MDM4: variants seen among roughly 807,000 people sequenced by gnomAD.
The protein encoded by MDM4 is MDM4 regulator of p53.
Under a neutral mutation model 60.2 loss-of-function variants are expected in MDM4, and 2 were observed. The ratio of observed to expected loss-of-function variants is 0.03; its 90% confidence interval spans 0.01 to 0.10. The LOEUF is 0.10. Among genes scored for constraint, MDM4 ranks in the 10% least tolerant of loss-of-function variants. MDM4 has a pLI of 1.00. For synonymous variants in MDM4, 202 were observed against 198.1 expected, an observed-to-expected ratio of 1.02 and a Z score of -0.17; for missense variants, 447 against 577.5, an observed-to-expected ratio of 0.77 and a Z score of 2.32.
chr1:204,543,210 G>A (rs1204096780), intron 8 of MDM4, among the ~76,000 whole-genome samples: 1 of 152,134 alleles, frequency 6.6e-6, no homozygotes, highest in Non-Finnish European at 1.5e-5. Flanking sequence ...GGAGCCTTTG[G>A]CTGTGCGTAG....
chr1:204,537,537 T>G, intron 6 of MDM4, 40 bp downstream of exon 6: 1 of 1,422,364 alleles, frequency 7.0e-7, no homozygotes, highest in Non-Finnish European at 9.9e-7. Flanking sequence ...TTGTACAGAG[T>G]GGCCCCTTCT....
intron 7 of MDM4, among the ~76,000 whole-genome samples, chr1:204,540,191 A>G (rs2102406805): frequency 6.6e-6 from 1 of 151,912 alleles, no homozygotes; most frequent in African/African-American, 2.4e-5. Context: ...AGGCTGAGGC[A>G]GGAGAATTGC....
chr1:204,534,278 A>G (rs1363480474), intron 5 of MDM4, among the ~76,000 whole-genome samples: 1 of 152,238 alleles, frequency 6.6e-6, no homozygotes, highest in Non-Finnish European at 1.5e-5. Flanking sequence ...TTGAAATTCA[A>G]TCACTTGTAA....
At chr1:204,526,875 CTCT>C (rs754854280) in intron 3 of MDM4, among the ~76,000 whole-genome samples, 16 of 152,170 alleles carry the variant, frequency 1.1e-4, no homozygotes, top group Non-Finnish European at 1.2e-4. Context: ...GCAACTTATA[CTCT>C]GTTTTAAAGA....
intron 1 of MDM4, among the ~76,000 whole-genome samples, 200 bp downstream of exon 1, chr1:204,516,709 T>TA (rs1572434621): frequency 6.6e-6 from 1 of 151,728 alleles, no homozygotes; most frequent in Non-Finnish European, 1.5e-5. Context: ...TCGCGGAAGA[T>TA]AAAAGTGGAG....
intron 3 of MDM4, among the ~76,000 whole-genome samples, chr1:204,530,334 T>C (rs1328712124): frequency 6.6e-6 from 1 of 152,246 alleles, no homozygotes; most frequent in East Asian, 1.9e-4. Context: ...GGAAAATATT[T>C]TTATAATCCA....
intron 4 of MDM4, among the ~76,000 whole-genome samples, chr1:204,531,208 A>G (rs909424052): frequency 3.3e-5 from 5 of 152,244 alleles, no homozygotes; most frequent in African/African-American, 4.8e-5. Flanking sequence ...TAAGTAGTCA[A>G]TCAGAGAGTT....
rs746269083 is a variant in MDM4 at position 204,554,118 on chromosome 1, C to A, written c.*4436C>A. 3 of 229,186 alleles carry A rather than the reference C, an allele frequency of 1.3e-5. No individual in the cohort carries two copies. Among genetic ancestry groups the A allele is most frequent in the Non-Finnish European group, 2.6e-5 (3 of 115,658 alleles). The allele number at this position is 229,186 out of a possible 1,614,324, so 14.2% of individuals were successfully genotyped here. The stretch of plus-strand genomic sequence containing the variant: ...TTGTAACATTTTGTGTGTGTCAATT[C>A]AATGCAATGTTGGCTGCCTTTTGAA... On this transcript the variant is annotated 3_prime_UTR_variant, in exon 11 of 11. Transcript: ENST00000367182.
At chr1:204,538,391 TAGG>T (rs1661638106) in intron 7 of MDM4, 83 bp downstream of exon 7, 1 of 750,302 alleles carries the variant, frequency 1.3e-6, no homozygotes, top group African/African-American at 1.8e-5. Flanking sequence ...GTATGTGAAG[TAGG>T]AGAGGGATAT....
chr1:204,529,228 A>T (rs1660593626), intron 3 of MDM4: 1 of 733,102 alleles, frequency 1.4e-6, no homozygotes, highest in Non-Finnish European at 2.5e-6. Context: ...TATCATCATG[A>T]GGCAGGTCTC....
At chr1:204,531,474 A>T (rs566909651) in intron 4 of MDM4, among the ~76,000 whole-genome samples, 13 of 152,326 alleles carry the variant, frequency 8.5e-5, no homozygotes, top group Admixed American at 3.9e-4. Flanking sequence ...TTAGTAATTT[A>T]GAAGCTCTCT....
chr1:204,543,548 G>A (rs1485745493), intron 8 of MDM4, among the ~76,000 whole-genome samples: 1 of 152,146 alleles, frequency 6.6e-6, no homozygotes, highest in Non-Finnish European at 1.5e-5. Flanking sequence ...CTGGAACACT[G>A]TTCCCCCACA....
chr1:204,520,869 C>T (rs547809428), intron 1 of MDM4, among the ~76,000 whole-genome samples: 3 of 152,010 alleles, frequency 2.0e-5, no homozygotes, highest in African/African-American at 7.3e-5. Flanking sequence ...GAACAATACC[C>T]TGTCTCAAAA....
At chr1:204,540,685 C>T (rs1661980582) in intron 7 of MDM4, among the ~76,000 whole-genome samples, 1 of 152,106 alleles carries the variant, frequency 6.6e-6, no homozygotes. Flanking sequence ...ATTGCTTGAA[C>T]CCGGGAGGCA....
intron 1 of MDM4, among the ~76,000 whole-genome samples, chr1:204,520,678 C>G (rs1413526440): frequency 6.6e-6 from 1 of 152,032 alleles, no homozygotes; most frequent in Non-Finnish European, 1.5e-5. Context: ...GAGTTTGAGA[C>G]TAGCCTGGGC....
chr1:204,529,399 C>T (rs1026660695), intron 3 of MDM4: 46 of 1,169,682 alleles, frequency 3.9e-5, no homozygotes, highest in South Asian at 2.1e-4. Flanking sequence ...TGCTGGGCAC[C>T]GTAGGAATTT....
chr1:204,547,081 C>T (rs534825073), intron 10 of MDM4, among the ~76,000 whole-genome samples: 16 of 152,134 alleles, frequency 1.1e-4, no homozygotes, highest in African/African-American at 3.9e-4. Context: ...TGATCTTATC[C>T]TCTCCCTACC....
chr1:204,546,720 TGTC>T lies in MDM4; in HGVS notation c.823-76_823-74del, dbSNP rs1284860772. On this transcript the variant is annotated intron_variant, in intron 9 of 10. Coordinates refer to ENST00000367182, the MANE Select transcript of MDM4 (RefSeq NM_002393.5). ...AATGTGAGTTTTAAATTGAAGCAGT[TGTC>T]TTTTTTGCTTTCAGTTAATTAGCCT... 3 of 902,448 alleles carry T rather than the reference TGTC, an allele frequency of 3.3e-6. No individual in the cohort carries two copies. The East Asian group carries it at 7.4e-5, about 22-fold the overall frequency. The allele number at this position is 902,448 out of a possible 1,614,324, so 55.9% of individuals were successfully genotyped here. A position where few individuals can be genotyped will look rare whatever the true frequency, so the allele number is the denominator to read the frequency against.
At chr1:204,547,660 ATAAAG>A (rs1662797396) in intron 10 of MDM4, among the ~76,000 whole-genome samples, 1 of 152,216 alleles carries the variant, frequency 6.6e-6, no homozygotes, top group African/African-American at 2.4e-5. Context: ...TAGCTTAGTA[ATAAAG>A]TAAAATATAT....
Sources: allele counts gnomAD v4.1 joint callset (sites outside exome capture counted in the v4.1 genomes callset), GRCh38; gene constraint gnomAD v4.1.1; transcripts MANE v1.5; gene names NCBI Gene and HGNC (gene_info 2026-07-23, HGNC 2026-07-21).